The following SSBP2 variants were observed in gnomAD, a reference collection of about 807,000 sequenced individuals.
SSBP2 encodes the protein single-stranded DNA-binding protein 2.
A neutral mutation model predicts 61.8 loss-of-function variants in SSBP2; 17 were observed. That is an observed-to-expected ratio of 0.28 (90% CI 0.19 to 0.41). The LOEUF (loss-of-function observed/expected upper bound fraction) is 0.41, where lower values mean the gene tolerates loss of function less well. SSBP2 is among the 10% of genes least tolerant of loss of function. The pLI is 1.00. For missense variants in SSBP2, 310 were observed against 458.7 expected (o/e 0.68, Z 2.96); for synonymous variants, 139 against 141.3 (o/e 0.98, Z 0.12).
intron 4 of SSBP2, among the ~76,000 whole-genome samples, chr5:81,555,933 C>T (rs4283765): frequency 0.46 from 70,268 of 151,866 alleles, 20,914 homozygotes; most frequent in African/African-American, 0.85. Context: ...TGAAAATGAG[C>T]AGATAGTAAA....
rs562438013 is a variant in SSBP2, at chr5:81,661,213, T to C, written c.63-10874A>G. 2.6e-5 allele frequency among the ~76,000 whole-genome samples: 4 copies of C among 152,330 alleles called. No homozygotes were observed. The East Asian group carries it at 7.7e-4, about 29-fold the overall frequency. Reference sequence around the variant, plus strand: ...GATTTCCTTCTTGTTAAAGGTTGAATAGTATTCAATTTTGCATATATAGTC... The same window carrying C: ...GATTTCCTTCTTGTTAAAGGTTGAACAGTATTCAATTTTGCATATATAGTC... On this transcript the variant is annotated intron_variant, in intron 1 of 16. Transcript: ENST00000320672.
intron 4 of SSBP2, among the ~76,000 whole-genome samples, chr5:81,559,403 A>AT (rs1409746139): frequency 2.0e-5 from 3 of 151,184 alleles, no homozygotes; most frequent in Non-Finnish European, 3.0e-5. Flanking sequence ...AAAAAAAAAA[A>AT]AATTAGCTGG....
intron 4 of SSBP2, among the ~76,000 whole-genome samples, chr5:81,544,270 A>AG (rs1771550962): frequency 6.6e-6 from 1 of 152,066 alleles, no homozygotes; most frequent in Non-Finnish European, 1.5e-5. Context: ...GCTGGTCTTC[A>AG]ACTCCTGACC....
At chr5:81,609,915 G>T (rs1298064534) in intron 4 of SSBP2, among the ~76,000 whole-genome samples, 1 of 152,122 alleles carries the variant, frequency 6.6e-6, no homozygotes, top group African/African-American at 2.4e-5. Flanking sequence ...CACTGGGAGA[G>T]AAACCACCCG....
At chr5:81,655,585 A>G (rs2153726438) in intron 1 of SSBP2, among the ~76,000 whole-genome samples, 1 of 152,350 alleles carries the variant, frequency 6.6e-6, no homozygotes, top group East Asian at 1.9e-4. Flanking sequence ...TGCAAAATAT[A>G]TCTGGTACAG....
chr5:81,710,798 T>A (rs1378911060), intron 1 of SSBP2: 5 of 409,228 alleles, frequency 1.2e-5, no homozygotes, highest in Non-Finnish European at 2.0e-5. Flanking sequence ...TATGTTTTAA[T>A]ATAAGGAATA....
intron 4 of SSBP2, among the ~76,000 whole-genome samples, chr5:81,570,328 G>A (rs1054455749): frequency 6.6e-6 from 1 of 152,014 alleles, no homozygotes; most frequent in African/African-American, 2.4e-5. Flanking sequence ...AATACTTTCT[G>A]GTTCATTAGT....
In SSBP2 at chr5:81,463,845, T is replaced by G. The variant is rs190875055; in HGVS notation, c.639-2742A>C. Among the ~76,000 whole-genome samples, 18 of 140,002 alleles carry G rather than the reference T, an allele frequency of 1.3e-4. No individual in the cohort carries two copies. In the East Asian group the frequency reaches 4.3e-3, roughly 34 times the overall value. 91.8% of individuals were successfully genotyped at this position (140,002 alleles called of 152,430 possible). A position where few individuals can be genotyped will look rare whatever the true frequency, so the allele number is the denominator to read the frequency against. ...GTGCAGTGACAGGATCCCAGCTCACTACAACCTCCACCTCCCGGGCTCAAG... is the reference window on the plus strand; with the variant it reads ...GTGCAGTGACAGGATCCCAGCTCACGACAACCTCCACCTCCCGGGCTCAAG... On this transcript the variant is annotated intron_variant, in intron 9 of 16. Coordinates refer to ENST00000320672, the MANE Select transcript of SSBP2 (RefSeq NM_012446.5).
chr5:81,435,084 G>A (rs1210418002), intron 15 of SSBP2, among the ~76,000 whole-genome samples: 3 of 152,132 alleles, frequency 2.0e-5, no homozygotes, highest in East Asian at 1.9e-4. Flanking sequence ...AATGAGATGC[G>A]TAGGAACTCA....
chr5:81,615,782 T>G (rs990384916), intron 3 of SSBP2, among the ~76,000 whole-genome samples: 1 of 152,190 alleles, frequency 6.6e-6, no homozygotes, highest in African/African-American at 2.4e-5. Flanking sequence ...AAAAAAAAAT[T>G]TATAGCAATA....
At chr5:81,708,501 T>A (rs774038290) in intron 1 of SSBP2, among the ~76,000 whole-genome samples, 23 of 152,106 alleles carry the variant, frequency 1.5e-4, no homozygotes, top group Non-Finnish European at 3.2e-4. Context: ...ATGCGTCATG[T>A]TAGAGAGAGA....
intron 6 of SSBP2, among the ~76,000 whole-genome samples, chr5:81,478,493 A>G (rs961159129): frequency 6.6e-6 from 1 of 152,044 alleles, no homozygotes; most frequent in Non-Finnish European, 1.5e-5. Flanking sequence ...GGCACCCACC[A>G]CCGTGCCCAG....
chr5:81,542,944 T>G lies in SSBP2; in HGVS notation c.283-29227A>C, dbSNP rs566714052. Among the ~76,000 whole-genome samples the G allele has an allele frequency of 9.9e-5, 15 of 151,668 alleles. No individual in the cohort carries two copies. In the South Asian group the frequency reaches 3.1e-3, roughly 32 times the overall value. ...ATCTCGACTCACTGCAACCTCTGCC[T>G]CCCGGGCTGAAGCAATTCTCCTGCT... On this transcript the variant is annotated intron_variant, in intron 4 of 16. Transcript: ENST00000320672.
intron 15 of SSBP2, among the ~76,000 whole-genome samples, chr5:81,431,324 A>T (rs1762269702): frequency 6.6e-6 from 1 of 152,186 alleles, no homozygotes; most frequent in South Asian, 2.1e-4. Context: ...CCCTACTTTA[A>T]GAGTTTTGCT....
At chr5:81,503,674 T>C (rs907554921) in intron 5 of SSBP2, among the ~76,000 whole-genome samples, 1 of 152,152 alleles carries the variant, frequency 6.6e-6, no homozygotes, top group Non-Finnish European at 1.5e-5. Flanking sequence ...TAAAGACACA[T>C]GTACTTGCAT....
At chr5:81,589,515 T>C (rs1170115906) in intron 4 of SSBP2, among the ~76,000 whole-genome samples, 1 of 152,232 alleles carries the variant, frequency 6.6e-6, no homozygotes, top group African/African-American at 2.4e-5. Context: ...TTGTATAGTT[T>C]TACATTTTTC....
chr5:81,583,401 G>A (rs1214671488), intron 4 of SSBP2, among the ~76,000 whole-genome samples: 2 of 152,008 alleles, frequency 1.3e-5, no homozygotes, highest in Admixed American at 6.5e-5. Context: ...AGGCCAAGGC[G>A]GGCAGATCAC....
chr5:81,655,740 G>C (rs1339704825), intron 1 of SSBP2, among the ~76,000 whole-genome samples: 2 of 152,198 alleles, frequency 1.3e-5, no homozygotes, highest in Non-Finnish European at 2.9e-5. Flanking sequence ...ATGGATACTA[G>C]ACTCACTGTC....
intron 1 of SSBP2, among the ~76,000 whole-genome samples, chr5:81,720,502 G>A (rs1225681630): frequency 6.6e-6 from 1 of 152,146 alleles, no homozygotes; most frequent in East Asian, 1.9e-4. Flanking sequence ...TATAGGCTAA[G>A]CTTTTCAAGT....
Sources: allele counts gnomAD v4.1 joint callset (sites outside exome capture counted in the v4.1 genomes callset), GRCh38; gene constraint gnomAD v4.1.1; transcripts MANE v1.5; gene names NCBI Gene and HGNC (gene_info 2026-07-23, HGNC 2026-07-21).